Variants in GYPC observed in about 807,000 individuals in gnomAD.
GYPC encodes the protein glycophorin-C.
Under a neutral mutation model 12.6 loss-of-function variants are expected in GYPC, and 14 were observed. The ratio of observed to expected loss-of-function variants is 1.11; its 90% CI spans 0.74 to 1.74. The LOEUF (loss-of-function observed/expected upper bound fraction) is 1.74. GYPC is among the 40% of genes most tolerant of loss of function. The pLI is 0.00. For synonymous variants in GYPC, 78 were observed against 62.1 expected, an observed-to-expected ratio of 1.26 and a Z score of -1.20; for missense variants, 225 against 172.1, an observed-to-expected ratio of 1.31 and a Z score of -1.72.
intron 1 of GYPC, among the ~76,000 whole-genome samples, chr2:126,666,870 T>C (rs1481969280): frequency 6.6e-6 from 1 of 152,168 alleles, no homozygotes; most frequent in Non-Finnish European, 1.5e-5. Context: ...CTTGGGGATC[T>C]GGTTCGGGAC....
At chr2:126,691,602 T>C (rs1219741072) in intron 2 of GYPC, among the ~76,000 whole-genome samples, 2 of 152,122 alleles carry the variant, frequency 1.3e-5, no homozygotes, top group African/African-American at 2.4e-5. Flanking sequence ...GCCTCATTTT[T>C]CCCCCTGTAT....
intron 1 of GYPC, among the ~76,000 whole-genome samples, chr2:126,662,445 T>C (rs1682559744): frequency 6.6e-6 from 1 of 152,338 alleles, no homozygotes; most frequent in Non-Finnish European, 1.5e-5. Flanking sequence ...GTCAATTTGC[T>C]AGTGATAAAG....
At chr2:126,671,527 A>G (rs994501659) in intron 1 of GYPC, among the ~76,000 whole-genome samples, 2 of 152,118 alleles carry the variant, frequency 1.3e-5, no homozygotes, top group African/African-American at 4.8e-5. Flanking sequence ...CCATCATTAG[A>G]TTTGGAGATG....
chr2:126,678,604 G>C (rs1405071679), intron 1 of GYPC: 1 of 152,640 alleles, frequency 6.6e-6, no homozygotes, highest in African/African-American at 2.4e-5. Context: ...GGAATGAGGA[G>C]AAGCGGCCCC....
rs28387181 is a variant in GYPC, at chr2:126,682,947, C to T, written c.50-7308C>T. Among the ~76,000 whole-genome samples the T allele has an allele frequency of 2.6e-5, 4 of 152,264 alleles. No individual in the cohort carries two copies. The East Asian group carries it at 5.8e-4, about 22-fold the overall frequency. On this transcript the variant is annotated intron_variant, in intron 1 of 3. Transcript: ENST00000259254. ...AAATTTGATTTCCCTAGAAATCTTC[C>T]GGCAGGGTGTGTCTGCTGGGGGTCA...
chr2:126,663,947 C>T (rs1020521404), intron 1 of GYPC, among the ~76,000 whole-genome samples: 8 of 139,654 alleles, frequency 5.7e-5, no homozygotes, highest in Non-Finnish European at 9.2e-5. Context: ...CTCTAAGGTT[C>T]TGGTCTCTCT....
At chr2:126,664,977 C>CTCTG (rs1264261801) in intron 1 of GYPC, among the ~76,000 whole-genome samples, 15 of 151,772 alleles carry the variant, frequency 9.9e-5, no homozygotes, top group East Asian at 3.9e-4. Flanking sequence ...CTCTCTCTCT[C>CTCTG]TGTGTCTCTC....
chr2:126,665,900 C>G (rs1302859310), intron 1 of GYPC, among the ~76,000 whole-genome samples: 2 of 152,204 alleles, frequency 1.3e-5, no homozygotes, highest in East Asian at 1.9e-4. Context: ...CTGACACGCT[C>G]TCTCCTGGAA....
intron 1 of GYPC, among the ~76,000 whole-genome samples, chr2:126,667,279 G>A (rs1246559745): frequency 1.3e-5 from 2 of 152,158 alleles, no homozygotes; most frequent in East Asian, 1.9e-4. Context: ...CCTCTGGAGT[G>A]TATCAGTAAA....
chr2:126,670,070 A>G (rs1454891364), intron 1 of GYPC, among the ~76,000 whole-genome samples: 1 of 152,164 alleles, frequency 6.6e-6, no homozygotes, highest in Non-Finnish European at 1.5e-5. Context: ...AGTGGTTCTC[A>G]AAGACGGTTC....
intron 1 of GYPC, among the ~76,000 whole-genome samples, chr2:126,668,996 C>T (rs1212525946): frequency 1.3e-5 from 2 of 152,222 alleles, no homozygotes; most frequent in Non-Finnish European, 2.9e-5. Flanking sequence ...AGCTATGTAG[C>T]TACTTAGAGA....
At chr2:126,669,424 G>A (rs930946089) in intron 1 of GYPC, among the ~76,000 whole-genome samples, 11 of 152,052 alleles carry the variant, frequency 7.2e-5, no homozygotes, top group African/African-American at 2.7e-4. Context: ...ATCCCTGCAC[G>A]GCACCACCCC....
rs112439835 is a variant in GYPC at position 126,685,087 on chromosome 2, C to T, written c.50-5168C>T. Among the ~76,000 whole-genome samples the T allele has an allele frequency of 2.1e-3, 318 of 152,292 alleles. 2 individuals carry two copies. Among genetic ancestry groups the T allele is most frequent in the African/African-American group, 4.3e-3 (177 of 41,554 alleles). On this transcript the variant is annotated intron_variant, in intron 1 of 3. Coordinates refer to ENST00000259254, the MANE Select transcript of GYPC (RefSeq NM_002101.5). ...CTGAGACCCTACAGCCTGTACACTG[C>T]GTCTTTTCCGGAAGCAATGATAGCC...
At chr2:126,666,450 C>T (rs910471367) in intron 1 of GYPC, among the ~76,000 whole-genome samples, 1 of 152,210 alleles carries the variant, frequency 6.6e-6, no homozygotes, top group African/African-American at 2.4e-5. Context: ...TCGAGACATA[C>T]TAGTCTCCCT....
intron 1 of GYPC, among the ~76,000 whole-genome samples, chr2:126,663,245 C>G (rs904036223): frequency 6.6e-6 from 1 of 151,896 alleles, no homozygotes; most frequent in Non-Finnish European, 1.5e-5. Context: ...ACCTTGTTGG[C>G]CAGGATTGTC....
intron 1 of GYPC, among the ~76,000 whole-genome samples, chr2:126,657,159 T>C (rs1234319580): frequency 1.3e-5 from 2 of 152,218 alleles, no homozygotes; most frequent in Non-Finnish European, 2.9e-5. Flanking sequence ...CCAACTCTTT[T>C]ATAAGTCTTT....
intron 3 of GYPC, among the ~76,000 whole-genome samples, chr2:126,695,588 T>A (rs1465385644): frequency 6.6e-6 from 1 of 152,208 alleles, no homozygotes; most frequent in Non-Finnish European, 1.5e-5. Flanking sequence ...AATTTTGAAC[T>A]TTGACCATTT....
chr2:126,696,016 C>T lies in GYPC; in HGVS notation c.261C>T (p.His87=), dbSNP rs1266178744. The change falls in exon 4 of 4, where the codon CAC becomes CAT. Residue 87 remains histidine, a synonymous_variant. Transcript: ENST00000259254. ...TCATGCTGCGCTACATGTACCGGCACAAGGGCACGTACCACACCAATGAGG... is the reference window on the plus strand; with the variant it reads ...TCATGCTGCGCTACATGTACCGGCATAAGGGCACGTACCACACCAATGAGG... ...LFVMLRYMYR[H]KGTYHTNEAK... 1.2e-6 allele frequency: 2 copies of T among 1,614,006 alleles called. No individual in the cohort carries two copies. Among genetic ancestry groups the T allele is most frequent in the South Asian group, 1.1e-5 (1 of 91,086 alleles).
At chr2:126,670,922 G>A (rs1176081039) in intron 1 of GYPC, among the ~76,000 whole-genome samples, 2 of 152,114 alleles carry the variant, frequency 1.3e-5, no homozygotes, top group Non-Finnish European at 2.9e-5. Context: ...CATAGAGACC[G>A]GTGGCCCCCA....
Sources: allele counts gnomAD v4.1 joint callset (sites outside exome capture counted in the v4.1 genomes callset), GRCh38; gene constraint gnomAD v4.1.1; transcripts MANE v1.5; gene names NCBI Gene and HGNC (gene_info 2026-07-23, HGNC 2026-07-21).